Variants in PRICKLE1 observed in about 807,000 individuals in gnomAD.
PRICKLE1 encodes the protein prickle-like protein 1.
A neutral mutation model predicts 70.2 loss-of-function variants in PRICKLE1; 14 were observed. The ratio of observed to expected loss-of-function variants is 0.20; its 90% CI spans 0.13 to 0.31. The LOEUF (loss-of-function observed/expected upper bound fraction) is 0.31. PRICKLE1 is among the 10% of genes least tolerant of loss of function. The pLI, the probability that PRICKLE1 is intolerant of heterozygous loss-of-function variation, is 1.00. For missense variants in PRICKLE1, 821 were observed against 1,026.2 expected (o/e 0.80, Z 2.73); for synonymous variants, 357 against 379.9 (o/e 0.94, Z 0.70).
In PRICKLE1 at chr12:42,459,718, A is replaced by G. The variant is rs1043652; in HGVS notation, c.*91T>C. On this transcript the variant is annotated 3_prime_UTR_variant, in exon 8 of 8. Coordinates refer to ENST00000345127, the MANE Select transcript of PRICKLE1 (RefSeq NM_153026.3). ...TACATGGGCAAAGAAAGCACTTTAAACTATTTTCACAACTTTCCTACGGAA... is the reference window on the plus strand; with the variant it reads ...TACATGGGCAAAGAAAGCACTTTAAGCTATTTTCACAACTTTCCTACGGAA... The G allele has an allele frequency of 0.64, 950,726 of 1,478,296 alleles. 308,125 individuals carry two copies. The highest frequency in any genetic ancestry group is 0.76 in the African/African-American group (54,490 of 71,928). 91.6% of individuals were successfully genotyped at this position (1,478,296 alleles called of 1,614,324 possible). A position where few individuals can be genotyped will look rare whatever the true frequency, so the allele number is the denominator to read the frequency against.
At position 42,464,209 on chromosome 12, in the gene PRICKLE1, C is replaced by T. The variant is rs754979370; in HGVS notation, c.1639+186G>A. On this transcript the variant is annotated intron_variant, in intron 7 of 7. Coordinates refer to ENST00000345127, the MANE Select transcript of PRICKLE1 (RefSeq NM_153026.3). The surrounding 1 kb of genome is among the most constrained non-coding windows in gnomAD (Gnocchi z 4.2). ...CTAATTTTTGTATTTTTAGTAGAGC[C>T]GCGGTTTCGCCATGTTGCCTGGGCT... 6.6e-5 allele frequency among the ~76,000 whole-genome samples: 10 copies of T among 151,950 alleles called. No homozygotes were observed. The highest frequency in any genetic ancestry group is 4.2e-4 in the South Asian group (2 of 4,802).
chr12:42,538,551 C>G (rs1012139702), intron 1 of PRICKLE1, among the ~76,000 whole-genome samples: 2 of 152,196 alleles, frequency 1.3e-5, no homozygotes, highest in Admixed American at 6.5e-5. Flanking sequence ...TGCTACCGGT[C>G]AGAGGATCAC....
chr12:42,496,217 T>C (rs950389185), intron 1 of PRICKLE1, among the ~76,000 whole-genome samples: 1 of 152,270 alleles, frequency 6.6e-6, no homozygotes, highest in Non-Finnish European at 1.5e-5. Flanking sequence ...TCAGAGCTCC[T>C]GGGTGACCAG....
At chr12:42,495,999 G>A (rs1159117110) in intron 1 of PRICKLE1, among the ~76,000 whole-genome samples, 1 of 152,204 alleles carries the variant, frequency 6.6e-6, no homozygotes, top group African/African-American at 2.4e-5. Flanking sequence ...GTTCTTAATG[G>A]CATCTGGAGT....
chr12:42,587,993 G>A (rs950876171), intron 1 of PRICKLE1, among the ~76,000 whole-genome samples: 1 of 152,006 alleles, frequency 6.6e-6, no homozygotes, highest in Non-Finnish European at 1.5e-5. Flanking sequence ...TAATGTTGGG[G>A]ACGGTCAAAC....
intron 1 of PRICKLE1, among the ~76,000 whole-genome samples, chr12:42,496,407 G>A (rs1196166523): frequency 6.6e-6 from 1 of 152,110 alleles, no homozygotes; most frequent in African/African-American, 2.4e-5. Context: ...ATTCTTAAGG[G>A]CCCTAGAATT....
At chr12:42,500,040 C>T (rs1037192989) in intron 1 of PRICKLE1, among the ~76,000 whole-genome samples, 53 of 152,234 alleles carry the variant, frequency 3.5e-4, no homozygotes, top group African/African-American at 1.2e-3. Context: ...CATGAGCCAC[C>T]GTGCCCATCC....
chr12:42,566,770 G>A (rs144367843), intron 1 of PRICKLE1, among the ~76,000 whole-genome samples: 312 of 152,262 alleles, frequency 2.0e-3, no homozygotes, highest in Non-Finnish European at 3.7e-3. Flanking sequence ...ATAAAGAAGT[G>A]GACAGTGACT....
intron 1 of PRICKLE1, among the ~76,000 whole-genome samples, chr12:42,486,333 T>C (rs567854115): frequency 6.6e-6 from 1 of 152,340 alleles, no homozygotes; most frequent in Admixed American, 6.5e-5. Flanking sequence ...GACTCACTAC[T>C]GTATTCTCAG....
intron 5 of PRICKLE1, 87 bp from the exon 6 acceptor site, chr12:42,466,467 A>G: frequency 8.6e-7 from 1 of 1,166,160 alleles, no homozygotes; most frequent in Non-Finnish European, 1.3e-6. Flanking sequence ...TTTCCGGGCA[A>G]TGGACAGACA....
intron 1 of PRICKLE1, among the ~76,000 whole-genome samples, chr12:42,508,771 CT>C (rs1939462310): frequency 6.6e-6 from 1 of 152,072 alleles, no homozygotes; most frequent in South Asian, 2.1e-4. Context: ...TTGTGGCGCT[CT>C]ATTCTGATTC....
In PRICKLE1 at chr12:42,459,998, AGAG is replaced by A. The variant is rs779393661; in HGVS notation, c.2304_2306del (p.Ser770del). On this transcript the variant is annotated inframe_deletion, in exon 8 of 8. Transcript: ENST00000345127. Reference sequence around the variant, plus strand: ...AATATCCTTCTTCTTCCGAGTCGGAAGAGGAGGAGGAGGAAGAACACCAGGAAT... The same window carrying A: ...AATATCCTTCTTCTTCCGAGTCGGAAGAGGAGGAGGAAGAACACCAGGAAT... The A allele has an allele frequency of 3.1e-6, 5 of 1,613,984 alleles. No homozygotes were observed. The highest frequency in any genetic ancestry group is 1.3e-5 in the African/African-American group (1 of 74,984).
chr12:42,468,521 G>T, intron 5 of PRICKLE1, 105 bp downstream of exon 5: 1 of 1,021,644 alleles, frequency 9.8e-7, no homozygotes. Context: ...CATGCACACA[G>T]AACAAAATCC....
At chr12:42,461,551 C>T (rs375611287) in intron 7 of PRICKLE1, among the ~76,000 whole-genome samples, 1 of 152,130 alleles carries the variant, frequency 6.6e-6, no homozygotes, top group Non-Finnish European at 1.5e-5. Context: ...CACCAGAGAC[C>T]GTAGGCCTAA....
intron 1 of PRICKLE1, among the ~76,000 whole-genome samples, chr12:42,495,741 A>C (rs1242134755): frequency 6.6e-6 from 1 of 151,570 alleles, no homozygotes; most frequent in African/African-American, 2.4e-5. Context: ...GGCACGTGCC[A>C]CCACGCCCTG....
intron 1 of PRICKLE1, among the ~76,000 whole-genome samples, chr12:42,571,861 G>C (rs528579949): frequency 2.0e-5 from 3 of 152,168 alleles, no homozygotes; most frequent in Non-Finnish European, 4.4e-5. Flanking sequence ...AAGACTGTGG[G>C]TTACATCTTT....
intron 1 of PRICKLE1, among the ~76,000 whole-genome samples, chr12:42,513,549 C>A (rs114708848): frequency 8.1e-4 from 122 of 150,700 alleles, no homozygotes; most frequent in African/African-American, 2.9e-3. Context: ...GGCAACATAG[C>A]AAGATGCTGT....
intron 1 of PRICKLE1, among the ~76,000 whole-genome samples, chr12:42,508,274 T>C (rs1335241569): frequency 1.3e-5 from 2 of 152,216 alleles, no homozygotes; most frequent in African/African-American, 4.8e-5. Flanking sequence ...AGCTTTATTA[T>C]ATCGGCAATA....
In PRICKLE1 at chr12:42,531,452, T is replaced by C. The variant is rs184577325; in HGVS notation, c.-49+58013A>G. ...ACCTCTGATAAATGATCTCTTAGGC[T>C]CACAACTCCTTTGCCTACACCTTTC... On this transcript the variant is annotated intron_variant, in intron 1 of 7. Coordinates refer to ENST00000345127, the MANE Select transcript of PRICKLE1 (RefSeq NM_153026.3). Among the ~76,000 whole-genome samples the C allele has an allele frequency of 4.4e-3, 670 of 152,302 alleles. 3 individuals are homozygous for C. Among genetic ancestry groups the C allele is most frequent in the Admixed American group, 0.01 (154 of 15,298 alleles).
Sources: allele counts gnomAD v4.1 joint callset (sites outside exome capture counted in the v4.1 genomes callset), GRCh38; gene constraint gnomAD v4.1.1; non-coding constraint Gnocchi (gnomAD v3.1); transcripts MANE v1.5; gene names NCBI Gene and HGNC (gene_info 2026-07-23, HGNC 2026-07-21).